The following BRWD1 variants were observed in gnomAD, a reference collection of about 807,000 sequenced individuals.
BRWD1 encodes bromodomain and WD repeat domain containing 1.
In BRWD1, 82 loss-of-function variants were observed where a neutral mutation model predicts 251.2. The observed-to-expected ratio is 0.33, with a 90% CI of 0.27 to 0.39. The LOEUF is 0.39. BRWD1 is among the 10% of genes least tolerant of loss of function. BRWD1 has a pLI of 1.00. For synonymous variants in BRWD1, 918 were observed against 902.8 expected (o/e 1.02, Z -0.30); for missense variants, 2,233 against 2,711.6 (o/e 0.82, Z 3.92).
upstream of BRWD1, among the ~76,000 whole-genome samples, chr21:39,318,550 A>G (rs2036719983): frequency 6.6e-6 from 1 of 152,228 alleles, no homozygotes; most frequent in Admixed American, 6.5e-5. Context: ...CCTAGAGGTG[A>G]AATTAAATGC....
chr21:39,314,374 G>C (rs1404000350), upstream of BRWD1: 2 of 454,750 alleles, frequency 4.4e-6, no homozygotes, highest in Non-Finnish European at 8.8e-6. Flanking sequence ...CGGGGGAGCA[G>C]CGCGCAGCTG....
rs1314378862 is a variant in BRWD1, at chr21:39,194,803, C to A, written c.*1456G>T. 3 of 1,534,440 alleles carry A rather than the reference C, an allele frequency of 2.0e-6. No homozygotes were observed. Among genetic ancestry groups the A allele is most frequent in the Admixed American group, 3.9e-5 (2 of 50,910 alleles). On this transcript the variant is annotated 3_prime_UTR_variant, in exon 41 of 41. Transcript: ENST00000342449. ...TAAATAACATTGTCTAATATTGATA[C>A]CAGTCTGATGCTTCACCTTATCTGC...
chr21:39,260,312 T>G (rs946928768), intron 17 of BRWD1, among the ~76,000 whole-genome samples: 8 of 151,334 alleles, frequency 5.3e-5, no homozygotes, highest in Admixed American at 1.3e-4. Context: ...TTTTTTTTCT[T>G]TTTGGTAGAC....
chr21:39,253,204 G>GC (rs934194742), intron 19 of BRWD1, among the ~76,000 whole-genome samples: 15 of 146,380 alleles, frequency 1.0e-4, no homozygotes, highest in African/African-American at 3.8e-4. Flanking sequence ...CAAGAGAATC[G>GC]CTTGAGCCCA....
chr21:39,308,040 A>G (rs951707379), intron 4 of BRWD1, among the ~76,000 whole-genome samples: 3 of 152,166 alleles, frequency 2.0e-5, no homozygotes, highest in Non-Finnish European at 2.9e-5. Flanking sequence ...CTGTAAACCA[A>G]GGTTTTGTAA....
rs745822565 is a variant in BRWD1, at chr21:39,196,372, G to C, written c.6697C>G (p.Arg2233Gly). The change falls in exon 41 of 41, where the codon CGA becomes GGA. Residue 2233 changes from arginine to glycine, a missense_variant. Coordinates refer to ENST00000342449, the MANE Select transcript of BRWD1 (RefSeq NM_033656.4). ...LDYAKSKRVL[R>G]RSKIKTRNQG... The stretch of plus-strand genomic sequence containing the variant: ...TTTCTCGTTTTTATTTTTGAACGTC[G>C]AAGAACTCTTTTAGATTTTGCATAG... 6.2e-7 allele frequency: 1 copy of C among 1,613,548 alleles called. No homozygotes were observed. The highest frequency in any genetic ancestry group is 1.1e-5 in the South Asian group (1 of 91,038).
chr21:39,246,541 A>C (rs568448982), intron 21 of BRWD1, among the ~76,000 whole-genome samples: 16 of 152,338 alleles, frequency 1.1e-4, no homozygotes, highest in African/African-American at 3.8e-4. Context: ...CATATGTCTA[A>C]ACAAAAACCT....
Position 39,202,476 on chromosome 21 carries a change from C to T in BRWD1, c.4434G>A (p.Gln1478=). 6.2e-7 allele frequency: 1 copy of T among 1,614,034 alleles called. No homozygotes were observed. Among genetic ancestry groups the T allele is most frequent in the Non-Finnish European group, 8.5e-7 (1 of 1,179,954 alleles). The change falls in exon 38 of 41, where the codon CAG becomes CAA. Residue 1478 remains glutamine, a synonymous_variant. Coordinates refer to ENST00000342449, the MANE Select transcript of BRWD1 (RefSeq NM_033656.4). ...GATAAGCTGTCCTACTTGAGGTAGACTGGGTAGGAGAACCTACCAACTCAG... is the reference window on the plus strand; with the variant it reads ...GATAAGCTGTCCTACTTGAGGTAGATTGGGTAGGAGAACCTACCAACTCAG... ...IIPELVGSPT[Q]STSSRTAYLG...
chr21:39,240,900 C>T (rs951434666), intron 21 of BRWD1, among the ~76,000 whole-genome samples: 3 of 148,014 alleles, frequency 2.0e-5, no homozygotes, highest in African/African-American at 7.5e-5. Context: ...GTAAGTAAAT[C>T]TTTTTTTTTT....
chr21:39,319,911 A>G (rs546759192), intron 1 of BRWD1, among the ~76,000 whole-genome samples: 3 of 151,556 alleles, frequency 2.0e-5, no homozygotes, highest in African/African-American at 7.3e-5. Flanking sequence ...TCTTCTTTGG[A>G]GATAATCCTG....
intron 17 of BRWD1, among the ~76,000 whole-genome samples, chr21:39,262,360 C>A (rs1461436337): frequency 1.3e-5 from 2 of 152,174 alleles, no homozygotes; most frequent in Non-Finnish European, 1.5e-5. Context: ...ACTACTGATA[C>A]ATGCAACAAC....
At chr21:39,200,177 C>A (rs1601245912) in intron 39 of BRWD1, 42 bp downstream of exon 39, 2 of 1,537,450 alleles carry the variant, frequency 1.3e-6, no homozygotes, top group East Asian at 4.5e-5. Flanking sequence ...CTTTTGGATT[C>A]TTTTGATATA....
At chr21:39,304,119 C>A (rs1242958059) in intron 4 of BRWD1, among the ~76,000 whole-genome samples, 3 of 123,462 alleles carry the variant, frequency 2.4e-5, no homozygotes, top group Non-Finnish European at 4.9e-5. Flanking sequence ...CCAGCCTGGG[C>A]AACCAGAGTG....
intron 35 of BRWD1, 27 bp from the exon 36 acceptor site, chr21:39,210,174 CAT>C: frequency 6.5e-7 from 1 of 1,531,536 alleles, no homozygotes; most frequent in Middle Eastern, 1.7e-4. Context: ...ATATTTAATT[CAT>C]AGATTCATTT....
At chr21:39,313,200 G>A in intron 2 of BRWD1, 41 bp downstream of exon 2, 1 of 1,521,388 alleles carries the variant, frequency 6.6e-7, no homozygotes, top group South Asian at 1.2e-5. Flanking sequence ...CGGGGACACT[G>A]GGGACGCCAA....
Position 39,194,436 on chromosome 21 carries a change from C to G in BRWD1, c.*1823G>C, listed in dbSNP as rs1287593147. On this transcript the variant is annotated 3_prime_UTR_variant, in exon 41 of 41. Transcript: ENST00000342449. Reference sequence around the variant, plus strand: ...TCCCATTAGTCTTTTCAGTCTTAGTCAAGGACAATTATCATGAATCAATCT... The same window carrying G: ...TCCCATTAGTCTTTTCAGTCTTAGTGAAGGACAATTATCATGAATCAATCT... 1.6e-6 allele frequency: 2 copies of G among 1,282,824 alleles called. No homozygotes were observed. The highest frequency in any genetic ancestry group is 2.0e-6 in the Non-Finnish European group (2 of 1,015,200). The allele number at this position is 1,282,824 out of a possible 1,614,324, so 79.5% of individuals were successfully genotyped here.
intron 4 of BRWD1, among the ~76,000 whole-genome samples, chr21:39,310,253 C>T (rs1486443588): frequency 3.3e-5 from 5 of 152,224 alleles, no homozygotes; most frequent in South Asian, 2.1e-4. Flanking sequence ...CAGTGGCTCA[C>T]GCCTGTAATC....
chr21:39,284,400 G>A (rs935445628), intron 8 of BRWD1, among the ~76,000 whole-genome samples: 1 of 152,152 alleles, frequency 6.6e-6, no homozygotes, highest in African/African-American at 2.4e-5. Flanking sequence ...GATGACTTGA[G>A]CTCATAAGTT....
At chr21:39,304,609 G>A (rs1245054756) in intron 4 of BRWD1, among the ~76,000 whole-genome samples, 2 of 64,894 alleles carry the variant, frequency 3.1e-5, no homozygotes, top group African/African-American at 1.4e-4. Flanking sequence ...GTGAGAACTT[G>A]TCTGGAAAAC....
Sources: gnomAD v4.1 joint callset for allele counts (sites outside exome capture counted in the v4.1 genomes callset) on GRCh38, gnomAD v4.1.1 for gene constraint, MANE v1.5 for transcripts, NCBI Gene and HGNC (gene_info 2026-07-23, HGNC 2026-07-21) for gene names.